Variants in ZNF584 observed in about 807,000 individuals in gnomAD.
ZNF584 encodes zinc finger protein 584.
A neutral mutation model predicts 14.7 loss-of-function variants in ZNF584; 12 were observed. That is an observed-to-expected ratio of 0.82 (90% CI 0.52 to 1.32). ZNF584 has a LOEUF of 1.32. Among genes scored for constraint, ZNF584 ranks in the 40% most tolerant of loss-of-function variants. The probability of loss-of-function intolerance (pLI) is 0.00; values close to 1 mark genes in which losing one functional copy is unlikely to be tolerated. For synonymous variants in ZNF584, 204 were observed against 190.9 expected (o/e 1.07, Z -0.57); for missense variants, 478 against 518.8 (o/e 0.92, Z 0.76).
At chr19:58,404,841 G>A (rs2052453769), upstream of ZNF584, 1 of 158,836 alleles carries the variant, frequency 6.3e-6, no homozygotes, top group Admixed American at 6.7e-5. Context: ...CTCCCGGACA[G>A]GGCGGCTCGC....
chr19:58,417,184 C>T lies in ZNF584; in HGVS notation c.666C>T (p.Ala222=). The change falls in exon 4 of 4, where the codon GCC becomes GCT. Residue 222 remains alanine, a synonymous_variant. Transcript: ENST00000306910. Reference sequence around the variant, plus strand: ...ATGTGTGTAATGAATGTGGGAAGGCCTTCAGTTACCCGTCTAAGCTGAGGA... The same window carrying T: ...ATGTGTGTAATGAATGTGGGAAGGCTTTCAGTTACCCGTCTAAGCTGAGGA... ...TAHVCNECGK[A]FSYPSKLRKH... 6.2e-7 allele frequency: 1 copy of T among 1,613,788 alleles called. No homozygotes were observed. The highest frequency in any genetic ancestry group is 1.3e-5 in the African/African-American group (1 of 75,040).
chr19:58,410,605 A>ATATATATGTG lies in ZNF584; in HGVS notation c.169+542_169+551dup, dbSNP rs1273533990. On this transcript the variant is annotated intron_variant, in intron 2 of 3. Coordinates refer to ENST00000306910, the MANE Select transcript of ZNF584 (RefSeq NM_173548.3). ...TATGTATATATATGTATATATATGT[A>ATATATATGTG]TATATATGTGTATATATGTGTATAT... Among the ~76,000 whole-genome samples the ATATATATGTG allele has an allele frequency of 9.9e-3, 118 of 11,936 alleles. 13 individuals carry two copies. Among genetic ancestry groups the ATATATATGTG allele is most frequent in the African/African-American group, 0.039 (92 of 2,366 alleles). 7.8% of individuals were successfully genotyped at this position (11,936 alleles called of 152,430 possible).
At chr19:58,405,384 C>T (rs1272075467), upstream of ZNF584, 5 of 105,848 alleles carry the variant, frequency 4.7e-5, no homozygotes, top group African/African-American at 2.2e-4. Flanking sequence ...GGCGGCTGGC[C>T]GGGTGGGGGA....
At chr19:58,407,961 G>A (rs979173811), upstream of ZNF584, among the ~76,000 whole-genome samples, 7 of 151,920 alleles carry the variant, frequency 4.6e-5, no homozygotes, top group East Asian at 1.4e-3. Context: ...TCAGCCATGT[G>A]CAGGGCGACC....
At chr19:58,412,709 T>A (rs1185488799) in intron 2 of ZNF584, among the ~76,000 whole-genome samples, 1 of 152,234 alleles carries the variant, frequency 6.6e-6, no homozygotes, top group Non-Finnish European at 1.5e-5. Flanking sequence ...CTGGAAGAGT[T>A]TCTTAAGTAT....
At position 58,409,736 on chromosome 19, in the gene ZNF584, CCAG is replaced by C. The variant is rs2052518215; in HGVS notation, c.19-200_19-198del. ...AGTAACACCAGAAGCATCAATAACA[CCAG>C]CAGCTCTGATATTCCTCTGGGATAG... On this transcript the variant is annotated intron_variant, in intron 1 of 3. Transcript: ENST00000306910. Among the ~76,000 whole-genome samples the C allele has an allele frequency of 2.0e-5, 3 of 152,220 alleles. No homozygotes were observed. In the South Asian group the frequency reaches 6.2e-4, roughly 32 times the overall value.
chr19:58,412,199 CTT>C (rs35188048), intron 2 of ZNF584, among the ~76,000 whole-genome samples: 16,131 of 82,578 alleles, frequency 0.2, 694 homozygotes, highest in Non-Finnish European at 0.24. Context: ...CCAGGGTGGT[CTT>C]TTTTTTTTTT....
chr19:58,416,677 C>T (rs1394633879), intron 3 of ZNF584, 134 bp from the exon 4 acceptor site: 12 of 1,180,554 alleles, frequency 1.0e-5, no homozygotes, highest in Middle Eastern at 3.0e-4. Context: ...ACTGGGATTA[C>T]AGGCGTGAGC....
At chr19:58,410,777 AATTTTTTTTTT>A (rs1352020439) in intron 2 of ZNF584, among the ~76,000 whole-genome samples, 2 of 8,080 alleles carry the variant, frequency 2.5e-4, no homozygotes, top group Admixed American at 9.9e-4. Context: ...ATATATATAT[AATTTTTTTTTT>A]TTTTTTTTTT....
rs201664199 is a variant in ZNF584, at chr19:58,410,032, C to T, written c.110C>T (p.Thr37Ile). 83 of 1,613,910 alleles carry T rather than the reference C, an allele frequency of 5.1e-5. 1 individual carries two copies. The East Asian group carries it at 1.8e-3, about 35-fold the overall frequency. The part of the protein sequence containing the change: ...SREEWGLLNV[T>I]QKGLYRDVML... Reference sequence around the variant, plus strand: ...GAGGAGTGGGGGCTCCTTAATGTGACCCAGAAGGGCCTATACCGGGATGTG... The same window carrying T: ...GAGGAGTGGGGGCTCCTTAATGTGATCCAGAAGGGCCTATACCGGGATGTG... Residue 37 changes from threonine (T) to isoleucine (I), a missense_variant, in exon 2 of 4, where the codon ACC (threonine) becomes ATC (isoleucine). Coordinates refer to ENST00000306910, the MANE Select transcript of ZNF584 (RefSeq NM_173548.3).
Position 58,417,551 on chromosome 19 carries a change from T to C in ZNF584, c.1033T>C (p.Trp345Arg). ...GACCCGTTCAGGCCTCTATCAGCAC[T>C]GGAAAGTCCACACTGGGGAACGGCC... The part of the protein sequence containing the change: ...YVTRSGLYQH[W>R]KVHTGERPYE... The change falls in exon 4 of 4, where the codon TGG (tryptophan) becomes CGG (arginine). Residue 345 changes from tryptophan (W) to arginine (R), a missense_variant. Trp to Arg is a moderately radical substitution (Grantham distance 101). Transcript: ENST00000306910. The C allele has an allele frequency of 6.2e-7, 1 of 1,614,196 alleles. No individual in the cohort carries two copies. The highest frequency in any genetic ancestry group is 8.5e-7 in the Non-Finnish European group (1 of 1,180,040).
upstream of ZNF584, chr19:58,404,784 G>A (rs2052453169): frequency 5.3e-6 from 1 of 188,804 alleles, no homozygotes; most frequent in Non-Finnish European, 1.1e-5. Context: ...CGGGCAGAGG[G>A]GCTCCTCATT....
Position 58,417,581 on chromosome 19 carries a change from G to T in ZNF584, c.1063G>T (p.Glu355Ter), listed in dbSNP as rs747675355. Residue 355 changes from glutamate to a stop codon, truncating the protein, a stop_gained, in exon 4 of 4, where the codon GAA becomes TAA. Coordinates refer to ENST00000306910, the MANE Select transcript of ZNF584 (RefSeq NM_173548.3). LOFTEE classifies it low-confidence loss of function (END_TRUNC). ...AGTCCACACTGGGGAACGGCCCTATGAATGTAGCCTGTGTGGGAAAACCTT... is the reference window on the plus strand; with the variant it reads ...AGTCCACACTGGGGAACGGCCCTATTAATGTAGCCTGTGTGGGAAAACCTT... ...WKVHTGERPY[E>*]CSLCGKTFTT... 2.5e-6 allele frequency: 4 copies of T among 1,614,212 alleles called. No individual in the cohort carries two copies. Among genetic ancestry groups the T allele is most frequent in the Non-Finnish European group, 3.4e-6 (4 of 1,180,036 alleles).
In ZNF584 at chr19:58,411,482, C is replaced by T. The variant is rs138158391; in HGVS notation, c.169+1391C>T. ...TGGAGGTTGCAGTGAGCTGAGATCG[C>T]ACCATTGCACTCCAGCCTGGGCAAC... On this transcript the variant is annotated intron_variant, in intron 2 of 3. Coordinates refer to ENST00000306910, the MANE Select transcript of ZNF584 (RefSeq NM_173548.3). Among the ~76,000 whole-genome samples the T allele has an allele frequency of 6.0e-3, 886 of 148,370 alleles. 9 individuals are homozygous for T. The highest frequency in any genetic ancestry group is 0.018 in the African/African-American group (720 of 40,124).
upstream of ZNF584, chr19:58,405,858 C>G (rs1346504101): frequency 6.2e-6 from 1 of 161,296 alleles, no homozygotes; most frequent in African/African-American, 2.5e-5. Context: ...CCTCACTTTC[C>G]AGACTGGGCA....
chr19:58,401,797 G>C (rs574400261), intron 1 of ZNF584: 1 of 136,032 alleles, frequency 7.4e-6, no homozygotes, highest in East Asian at 2.3e-4. Flanking sequence ...CTGTCGCTTT[G>C]AGTACAGATC....
Position 58,409,096 on chromosome 19 carries a change from C to T in ZNF584, c.-52C>T. The T allele has an allele frequency of 6.8e-7, 1 of 1,465,494 alleles. No homozygotes were observed. The highest frequency in any genetic ancestry group is 1.3e-5 in the South Asian group (1 of 75,718). The allele number at this position is 1,465,494 out of a possible 1,614,324, so 90.8% of individuals were successfully genotyped here. ...GCCGAGGGTTTCCGCGCCCGGGACG[C>T]GTTTCGGCTGAGGCCGTGGGTCCAG... On this transcript the variant is annotated 5_prime_UTR_variant, in exon 1 of 4. Coordinates refer to ENST00000306910, the MANE Select transcript of ZNF584 (RefSeq NM_173548.3).
In ZNF584 at chr19:58,410,539, A is replaced by AATTTTTTTTTTTTTTTTTTTTTTTTTTTT; in HGVS notation, c.169+448_169+449insATTTTTTTTTTTTTTTTTTTTTTTTTTTT. 6.0e-3 allele frequency among the ~76,000 whole-genome samples: 231 copies of AATTTTTTTTTTTTTTTTTTTTTTTTTTTT among 38,686 alleles called. 59 individuals are homozygous for AATTTTTTTTTTTTTTTTTTTTTTTTTTTT. The highest frequency in any genetic ancestry group is 0.018 in the African/African-American group (144 of 7,920). 25.4% of individuals were successfully genotyped at this position (38,686 alleles called of 152,430 possible). A position where few individuals can be genotyped will look rare whatever the true frequency, so the allele number is the denominator to read the frequency against. On this transcript the variant is annotated intron_variant, in intron 2 of 3. Coordinates refer to ENST00000306910, the MANE Select transcript of ZNF584 (RefSeq NM_173548.3). Reference sequence around the variant, plus strand: ...GGGAAATATATATATATATATATATATATATATATATATATATATGTGTAT... The same window carrying AATTTTTTTTTTTTTTTTTTTTTTTTTTTT: ...GGGAAATATATATATATATATATATAATTTTTTTTTTTTTTTTTTTTTTTTTTTTTATATATATATATATATATGTGTAT...
chr19:58,410,563 A>ATATATATATG (rs1368140818), intron 2 of ZNF584, among the ~76,000 whole-genome samples: 16 of 29,428 alleles, frequency 5.4e-4, no homozygotes, highest in African/African-American at 2.6e-3. Flanking sequence ...ATATATGTGT[A>ATATATATATG]TATATATATG....
Sources: gnomAD v4.1 joint callset for allele counts (sites outside exome capture counted in the v4.1 genomes callset) on GRCh38, gnomAD v4.1.1 for gene constraint, MANE v1.5 for transcripts, NCBI Gene and HGNC (gene_info 2026-07-23, HGNC 2026-07-21) for gene names.